Variants in HHAT observed in about 807,000 individuals in gnomAD.
HHAT encodes protein-cysteine N-palmitoyltransferase HHAT.
In HHAT, 47 loss-of-function variants were observed where a neutral mutation model predicts 70.8. The observed-to-expected ratio is 0.66, with a 90% CI of 0.53 to 0.85. HHAT has a LOEUF of 0.85. Among genes scored for constraint, HHAT ranks in the 40% least tolerant of loss-of-function variants. HHAT has a pLI of 0.00. For missense variants in HHAT, 609 were observed against 604.8 expected, an observed-to-expected ratio of 1.01 and a Z score of -0.07; for synonymous variants, 228 against 247.6, an observed-to-expected ratio of 0.92 and a Z score of 0.74.
intron 3 of HHAT, among the ~76,000 whole-genome samples, chr1:210,381,123 G>A (rs779327320): frequency 8.6e-5 from 13 of 151,950 alleles, no homozygotes; most frequent in Non-Finnish European, 1.8e-4. Flanking sequence ...CATATAGTAC[G>A]GGGAGGAAAA....
At chr1:210,663,280 C>T (rs868563841) in intron 11 of HHAT, among the ~76,000 whole-genome samples, 3 of 152,154 alleles carry the variant, frequency 2.0e-5, no homozygotes, top group Admixed American at 6.5e-5. Flanking sequence ...CATCCTGAAG[C>T]TTCTCCCTCT....
intron 9 of HHAT, among the ~76,000 whole-genome samples, chr1:210,538,197 G>A (rs548444179): frequency 3.3e-5 from 5 of 152,102 alleles, no homozygotes; most frequent in South Asian, 2.1e-4. Context: ...ACAGCAAAAG[G>A]CAATGTATTC....
Position 210,494,542 on chromosome 1 carries a change from C to CTTTTTTTTTTTTTTTT in HHAT, c.1008-18599_1008-18584dup, listed in dbSNP as rs71146226. Among the ~76,000 whole-genome samples the CTTTTTTTTTTTTTTTT allele has an allele frequency of 2.1e-3, 176 of 82,830 alleles. 15 individuals are homozygous for CTTTTTTTTTTTTTTTT. Among genetic ancestry groups the CTTTTTTTTTTTTTTTT allele is most frequent in the Admixed American group, 2.7e-3 (16 of 5,972 alleles). The allele number at this position is 82,830 out of a possible 152,430, so 54.3% of individuals were successfully genotyped here. On this transcript the variant is annotated intron_variant, in intron 8 of 11. Coordinates refer to ENST00000261458, the MANE Select transcript of HHAT (RefSeq NM_018194.6). Reference sequence around the variant, plus strand: ...AGATCAGGAGTTCAGTTTGAAATAGCTTTTTTTTTTTTTTTTTTTTTTTTT... The same window carrying CTTTTTTTTTTTTTTTT: ...AGATCAGGAGTTCAGTTTGAAATAGCTTTTTTTTTTTTTTTTTTTTTTTTTTTTTTTTTTTTTTTTT...
At chr1:210,585,773 C>A (rs1205463520) in intron 9 of HHAT, among the ~76,000 whole-genome samples, 1 of 152,016 alleles carries the variant, frequency 6.6e-6, no homozygotes, top group Non-Finnish European at 1.5e-5. Flanking sequence ...AGCCAAGGAG[C>A]AAGGTGGGGG....
At chr1:210,335,522 G>A (rs944032068) in intron 1 of HHAT, among the ~76,000 whole-genome samples, 4 of 152,078 alleles carry the variant, frequency 2.6e-5, no homozygotes, top group Admixed American at 2.6e-4. Context: ...AAAACTGGAG[G>A]ACCTAAGCTA....
chr1:210,350,330 A>T (rs1290737439), intron 2 of HHAT, among the ~76,000 whole-genome samples: 1 of 152,220 alleles, frequency 6.6e-6, no homozygotes, highest in Admixed American at 6.5e-5. Context: ...CAGGATTTTC[A>T]TTGTGGTTGC....
chr1:210,425,364 A>G (rs1354814489), intron 7 of HHAT, among the ~76,000 whole-genome samples: 3 of 151,956 alleles, frequency 2.0e-5, no homozygotes, highest in African/African-American at 4.8e-5. Context: ...CCATTTGTCA[A>G]TTTTGCTTTT....
chr1:210,610,531 T>A (rs1666369021), intron 10 of HHAT, among the ~76,000 whole-genome samples: 1 of 151,340 alleles, frequency 6.6e-6, no homozygotes. Context: ...TAGATGCCAT[T>A]TGTCAATTTT....
chr1:210,557,813 A>C (rs1180881192), intron 9 of HHAT, among the ~76,000 whole-genome samples: 2 of 152,246 alleles, frequency 1.3e-5, no homozygotes, highest in East Asian at 3.9e-4. Context: ...TTCAAGTTGA[A>C]ATTTGGGTGG....
At chr1:210,507,244 C>A (rs1207499402) in intron 8 of HHAT, among the ~76,000 whole-genome samples, 1 of 152,128 alleles carries the variant, frequency 6.6e-6, no homozygotes, top group Non-Finnish European at 1.5e-5. Flanking sequence ...GAGTGCTTAG[C>A]CCAGTGTTTG....
chr1:210,670,638 A>C (rs911498439), intron 11 of HHAT, among the ~76,000 whole-genome samples: 3 of 151,958 alleles, frequency 2.0e-5, no homozygotes, highest in Admixed American at 1.3e-4. Flanking sequence ...CACAAATCTT[A>C]CTCCTGAGGT....
chr1:210,540,341 A>G (rs1388120499), intron 9 of HHAT, among the ~76,000 whole-genome samples: 1 of 152,222 alleles, frequency 6.6e-6, no homozygotes, highest in Non-Finnish European at 1.5e-5. Context: ...TGTAGCAAAT[A>G]TGAACATTCA....
chr1:210,658,226 C>T (rs984106504), intron 11 of HHAT, among the ~76,000 whole-genome samples: 6 of 152,128 alleles, frequency 3.9e-5, no homozygotes, highest in African/African-American at 1.4e-4. Flanking sequence ...GAAGCTCAGT[C>T]TCTCGAGCTT....
intron 10 of HHAT, among the ~76,000 whole-genome samples, chr1:210,602,871 CT>C (rs1664592620): frequency 1.3e-5 from 2 of 152,124 alleles, no homozygotes; most frequent in African/African-American, 2.4e-5. Context: ...TACACATTTT[CT>C]TCTCTGTGGG....
At chr1:210,575,084 T>C (rs1014206134) in intron 9 of HHAT, among the ~76,000 whole-genome samples, 1 of 152,220 alleles carries the variant, frequency 6.6e-6, no homozygotes, top group East Asian at 1.9e-4. Flanking sequence ...GATCTGCTGA[T>C]GGAGCAAAGA....
At chr1:210,639,644 T>C (rs772522305) in intron 11 of HHAT, among the ~76,000 whole-genome samples, 2 of 152,200 alleles carry the variant, frequency 1.3e-5, no homozygotes, top group Non-Finnish European at 2.9e-5. Flanking sequence ...CACTCTTTCC[T>C]CCTTTCAGTG....
At chr1:210,633,808 C>A (rs112558518) in intron 11 of HHAT, among the ~76,000 whole-genome samples, 116 of 152,284 alleles carry the variant, frequency 7.6e-4, no homozygotes, top group African/African-American at 2.5e-3. Flanking sequence ...AGGGCCGAAG[C>A]CTTTGTCCCC....
At chr1:210,555,027 G>A (rs2095559775) in intron 9 of HHAT, among the ~76,000 whole-genome samples, 1 of 152,144 alleles carries the variant, frequency 6.6e-6, no homozygotes, top group South Asian at 2.1e-4. Context: ...CCGTGATAGA[G>A]GCCAGAGGAA....
chr1:210,376,236 C>T (rs910796853), intron 3 of HHAT, among the ~76,000 whole-genome samples: 7 of 152,018 alleles, frequency 4.6e-5, no homozygotes, highest in Admixed American at 3.3e-4. Context: ...AAGTATAATG[C>T]ATTAATGTAA....
Sources: allele counts gnomAD v4.1 joint callset (sites outside exome capture counted in the v4.1 genomes callset), GRCh38; gene constraint gnomAD v4.1.1; transcripts MANE v1.5; gene names NCBI Gene and HGNC (gene_info 2026-07-23, HGNC 2026-07-21).